Variants in CHCHD6 observed in about 807,000 individuals in gnomAD.
The protein encoded by CHCHD6 is coiled-coil-helix-coiled-coil-helix domain containing 6, also known as MICOS complex subunit MIC25.
Under a neutral mutation model 32.3 loss-of-function variants are expected in CHCHD6, and 28 were observed. That is an observed-to-expected ratio of 0.87 (90% CI 0.64 to 1.19). The LOEUF (loss-of-function observed/expected upper bound fraction) is 1.19, where lower values mean the gene tolerates loss of function less well. CHCHD6 is among the 50% of genes most tolerant of loss of function. The probability of loss-of-function intolerance (pLI) is 0.00; values close to 1 mark genes in which losing one functional copy is unlikely to be tolerated. For synonymous variants in CHCHD6, 122 were observed against 117.5 expected, an observed-to-expected ratio of 1.04 and a Z score of -0.25; for missense variants, 333 against 307.0, an observed-to-expected ratio of 1.08 and a Z score of -0.63.
intron 6 of CHCHD6, among the ~76,000 whole-genome samples, chr3:126,933,243 G>T (rs2078431718): frequency 6.6e-6 from 1 of 152,146 alleles, no homozygotes; most frequent in South Asian, 2.1e-4. Context: ...TACTTGTGCT[G>T]TAGGGGTCGT....
chr3:126,842,039 AGGAGTTCAAGACCAGCCC>A (rs1941107198), intron 4 of CHCHD6, among the ~76,000 whole-genome samples: 1 of 152,252 alleles, frequency 6.6e-6, no homozygotes, highest in South Asian at 2.1e-4. Context: ...GCTTGAGCCC[AGGAGTTCAAGACCAGCCC>A]GGGCAACAAA....
chr3:126,868,024 G>A (rs1206227233), intron 5 of CHCHD6, among the ~76,000 whole-genome samples: 1 of 152,164 alleles, frequency 6.6e-6, no homozygotes, highest in Non-Finnish European at 1.5e-5. Flanking sequence ...AGTCACACCT[G>A]GCATGCAGTC....
intron 1 of CHCHD6, among the ~76,000 whole-genome samples, chr3:126,706,566 C>G (rs1336688968): frequency 6.6e-6 from 1 of 152,106 alleles, no homozygotes; most frequent in Non-Finnish European, 1.5e-5. Flanking sequence ...TCTTTTCCAG[C>G]TGGGCAAACT....
intron 4 of CHCHD6, among the ~76,000 whole-genome samples, chr3:126,795,292 CTCTTGCATGAAATGAGTTTAG>C (rs1412642476): frequency 1.3e-5 from 2 of 152,160 alleles, no homozygotes; most frequent in Non-Finnish European, 2.9e-5. Flanking sequence ...CCTCAGCTTT[CTCTTGCATGAAATGAGTTTAG>C]TAATTTCCAT....
chr3:126,843,342 G>A (rs562011715), intron 4 of CHCHD6, among the ~76,000 whole-genome samples: 4 of 152,152 alleles, frequency 2.6e-5, no homozygotes, highest in South Asian at 4.2e-4. Flanking sequence ...CTCTTTTCTC[G>A]AGGAATACTG....
chr3:126,841,091 G>T, intron 4 of CHCHD6, among the ~76,000 whole-genome samples: 1 of 146,230 alleles, frequency 6.8e-6, no homozygotes, highest in South Asian at 2.1e-4. Context: ...TCCCCTTCCT[G>T]TGTCCATGTG....
At position 126,720,378 on chromosome 3, in the gene CHCHD6, C is replaced by T. The variant is rs115535347; in HGVS notation, c.88-6700C>T. Among the ~76,000 whole-genome samples the T allele has an allele frequency of 3.1e-3, 468 of 152,296 alleles. 3 individuals are homozygous for T. The highest frequency in any genetic ancestry group is 0.01 in the African/African-American group (435 of 41,568). The stretch of plus-strand genomic sequence containing the variant: ...GCTGACCTCCCTCAGGACACCCAAC[C>T]GGGGCTTCTAGTCCCTCAGGGGCCT... On this transcript the variant is annotated intron_variant, in intron 1 of 7. Coordinates refer to ENST00000290913, the MANE Select transcript of CHCHD6 (RefSeq NM_032343.3).
chr3:126,750,776 G>A (rs143070086), intron 4 of CHCHD6, among the ~76,000 whole-genome samples: 1 of 152,340 alleles, frequency 6.6e-6, no homozygotes, highest in East Asian at 1.9e-4. Flanking sequence ...GTTAAAGCCA[G>A]CCCATTAACA....
At chr3:126,935,823 A>G (rs1247108752) in intron 6 of CHCHD6, among the ~76,000 whole-genome samples, 11 of 152,398 alleles carry the variant, frequency 7.2e-5, no homozygotes, top group Admixed American at 5.9e-4. Context: ...CAGCATAGCA[A>G]ATCTCTAACA....
At chr3:126,818,727 G>A (rs1316775664) in intron 4 of CHCHD6, among the ~76,000 whole-genome samples, 3 of 152,146 alleles carry the variant, frequency 2.0e-5, no homozygotes, top group Non-Finnish European at 4.4e-5. Flanking sequence ...TCTCAGCAGG[G>A]GATCATCAAA....
intron 6 of CHCHD6, among the ~76,000 whole-genome samples, chr3:126,941,911 C>T (rs990118911): frequency 6.6e-6 from 1 of 152,156 alleles, no homozygotes; most frequent in Non-Finnish European, 1.5e-5. Flanking sequence ...GCCCACAGAC[C>T]ACACTTCACC....
chr3:126,803,711 A>T lies in CHCHD6; in HGVS notation c.412-48936A>T, dbSNP rs577882937. 3.4e-4 allele frequency among the ~76,000 whole-genome samples: 52 copies of T among 152,240 alleles called. No homozygotes were observed. The South Asian group carries it at 0.011, about 32-fold the overall frequency. On this transcript the variant is annotated intron_variant, in intron 4 of 7. Coordinates refer to ENST00000290913, the MANE Select transcript of CHCHD6 (RefSeq NM_032343.3). ...AATTGAACTTGGCTCTGCCAAGCAG[A>T]CCTAATAGACATCTACAGAACTCTC... is the stretch of plus-strand genomic sequence containing the variant.
At chr3:126,761,104 A>G (rs1452182669) in intron 4 of CHCHD6, among the ~76,000 whole-genome samples, 5 of 152,248 alleles carry the variant, frequency 3.3e-5, no homozygotes, top group Non-Finnish European at 2.9e-5. Flanking sequence ...CGTTAGGATT[A>G]TAGGCATGAG....
At chr3:126,766,844 G>A (rs762951480) in intron 4 of CHCHD6, 8 of 959,664 alleles carry the variant, frequency 8.3e-6, no homozygotes, top group African/African-American at 3.2e-5. Context: ...TGGGACACCC[G>A]ATGTCCAGGG....
At chr3:126,880,065 A>C (rs763751893) in intron 5 of CHCHD6, among the ~76,000 whole-genome samples, 62 of 152,194 alleles carry the variant, frequency 4.1e-4, no homozygotes, top group Non-Finnish European at 7.8e-4. Flanking sequence ...TTTAAGTGTA[A>C]GGAAAAGTAG....
chr3:126,719,390 C>T (rs970046510), intron 1 of CHCHD6, among the ~76,000 whole-genome samples: 2 of 152,250 alleles, frequency 1.3e-5, no homozygotes, highest in South Asian at 4.1e-4. Context: ...TCTTGCCCCC[C>T]CTGCCCTGCA....
chr3:126,807,605 T>C (rs1377617743), intron 4 of CHCHD6, among the ~76,000 whole-genome samples: 2 of 152,092 alleles, frequency 1.3e-5, no homozygotes, highest in African/African-American at 4.8e-5. Flanking sequence ...TTAATGAAAT[T>C]ATTTCAGAAC....
At chr3:126,846,581 A>G (rs1407987313) in intron 4 of CHCHD6, among the ~76,000 whole-genome samples, 1 of 152,260 alleles carries the variant, frequency 6.6e-6, no homozygotes, top group African/African-American at 2.4e-5. Context: ...CATCATCTAC[A>G]AGGAATCCTG....
intron 5 of CHCHD6, among the ~76,000 whole-genome samples, chr3:126,907,124 G>A (rs1298903689): frequency 6.6e-6 from 1 of 152,198 alleles, no homozygotes; most frequent in Non-Finnish European, 1.5e-5. Context: ...AGCTAAGAAG[G>A]GGAATGGGCA....
Sources: gnomAD v4.1 joint callset for allele counts (sites outside exome capture counted in the v4.1 genomes callset) on GRCh38, gnomAD v4.1.1 for gene constraint, MANE v1.5 for transcripts, NCBI Gene and HGNC (gene_info 2026-07-23, HGNC 2026-07-21) for gene names.